Variants in DOP1B observed in about 807,000 individuals in gnomAD.
The protein encoded by DOP1B is DOP1 leucine zipper like protein B, also known as protein DOP1B.
In DOP1B, 174 loss-of-function variants were observed where a neutral mutation model predicts 233.5. The observed-to-expected ratio is 0.75, with a 90% CI of 0.66 to 0.85. The LOEUF is 0.85. Ranked by LOEUF, DOP1B falls within the 40% of genes least tolerant of loss-of-function variation. DOP1B has a pLI of 0.00. For synonymous variants in DOP1B, 1,190 were observed against 1,185.6 expected, an observed-to-expected ratio of 1.00 and a Z score of -0.08; for missense variants, 2,652 against 2,846.6, an observed-to-expected ratio of 0.93 and a Z score of 1.56.
In DOP1B at chr21:36,280,269, T is replaced by A; in HGVS notation, c.5970-16T>A. Reference sequence around the variant, plus strand: ...CCACTGCAAATTTAATTGATTTTGCTTTCTTTAATATCCAGTTGGAAGTCC... The same window carrying A: ...CCACTGCAAATTTAATTGATTTTGCATTCTTTAATATCCAGTTGGAAGTCC... On this transcript the variant is annotated splice_polypyrimidine_tract_variant and intron_variant, in intron 30 of 36. Coordinates refer to ENST00000691173, the MANE Select transcript of DOP1B (RefSeq NM_001320714.2). The A allele has an allele frequency of 6.3e-7, 1 of 1,578,560 alleles. No homozygotes were observed. The highest frequency in any genetic ancestry group is 8.7e-7 in the Non-Finnish European group (1 of 1,154,328).
At chr21:36,228,100 A>G (rs545367440) in intron 13 of DOP1B, among the ~76,000 whole-genome samples, 2 of 152,256 alleles carry the variant, frequency 1.3e-5, no homozygotes, top group Admixed American at 6.5e-5. Flanking sequence ...AGACTGGGGC[A>G]GGAGGATTGC....
At chr21:36,157,733 T>C (rs1043407799) in intron 1 of DOP1B, among the ~76,000 whole-genome samples, 30 of 152,194 alleles carry the variant, frequency 2.0e-4, no homozygotes, top group Non-Finnish European at 1.6e-4. Context: ...ATTAAGCCCA[T>C]TGGTGATGAG....
intron 2 of DOP1B, among the ~76,000 whole-genome samples, chr21:36,172,756 A>G (rs1163592210): frequency 6.6e-6 from 1 of 151,808 alleles, no homozygotes; most frequent in Non-Finnish European, 1.5e-5. Context: ...AAAAAAAAAA[A>G]GGAATTTTTT....
Position 36,289,065 on chromosome 21 carries a change from G to C in DOP1B, c.6374G>C (p.Arg2125Thr), listed in dbSNP as rs759628463. The change falls in exon 35 of 37, where the codon AGA becomes ACA. Residue 2125 changes from arginine (R) to threonine (T), a missense_variant. Transcript: ENST00000691173. ...ESLRSTNKVNRTKVSVPDANG... is the reference protein window; with the variant it reads ...ESLRSTNKVNTTKVSVPDANG... ...TATAGAAGCACCAACAAAGTAAACA[G>C]AACGAAAGTTTCAGTCCCGGATGCA... is the stretch of plus-strand genomic sequence containing the variant. 8.1e-6 allele frequency: 13 copies of C among 1,612,466 alleles called. No homozygotes were observed. The South Asian group carries it at 1.3e-4, about 16-fold the overall frequency.
intron 2 of DOP1B, among the ~76,000 whole-genome samples, chr21:36,171,497 C>T (rs754088135): frequency 1.3e-5 from 2 of 152,096 alleles, no homozygotes; most frequent in Non-Finnish European, 2.9e-5. Flanking sequence ...GGGGGTGGCC[C>T]TAATCCAGTG....
At chr21:36,231,242 A>G in intron 14 of DOP1B, 108 bp downstream of exon 14, 7 of 1,385,212 alleles carry the variant, frequency 5.1e-6, no homozygotes, top group East Asian at 2.5e-5. Context: ...TGTATTTTGG[A>G]TTTCGGACTT....
Position 36,164,877 on chromosome 21 carries a change from T to A in DOP1B, c.138+6T>A. The A allele has an allele frequency of 6.3e-7, 1 of 1,598,384 alleles. No homozygotes were observed. The highest frequency in any genetic ancestry group is 8.5e-7 in the Non-Finnish European group (1 of 1,173,200). Reference sequence around the variant, plus strand: ...CACTTGGCAAACTCAACAAGGTATGTAGGGTGTATCCTATTTGGATTGCAT... The same window carrying A: ...CACTTGGCAAACTCAACAAGGTATGAAGGGTGTATCCTATTTGGATTGCAT... On this transcript the variant is annotated splice_donor_region_variant and intron_variant, in intron 2 of 36. Coordinates refer to ENST00000691173, the MANE Select transcript of DOP1B (RefSeq NM_001320714.2).
chr21:36,167,295 C>A (rs2065921387), intron 2 of DOP1B, among the ~76,000 whole-genome samples: 1 of 152,170 alleles, frequency 6.6e-6, no homozygotes, highest in South Asian at 2.1e-4. Flanking sequence ...GCCACAGCCT[C>A]CTGAGTAGCT....
At position 36,289,128 on chromosome 21, in the gene DOP1B, T is replaced by G; in HGVS notation, c.6437T>G (p.Leu2146Arg). The change falls in exon 35 of 37, where the codon CTC (leucine) becomes CGC (arginine). Residue 2146 changes from leucine to arginine, a missense_variant. Physicochemically the swap from Leu to Arg is moderately radical, Grantham distance 102. This residue lies in a region of DOP1B where 2,617 missense variants were observed against 2,794.3 expected (regional missense o/e 0.94). Transcript: ENST00000691173. ...PSVGEIPQSE[L>R]ILYLSACKFL... ...GTGGGGGAGATACCCCAGAGTGAAC[T>G]CATCTTGTATTTATCAGCTTGCAAA... is the stretch of plus-strand genomic sequence containing the variant. 6.2e-7 allele frequency: 1 copy of G among 1,614,130 alleles called. No individual in the cohort carries two copies. The highest frequency in any genetic ancestry group is 8.5e-7 in the Non-Finnish European group (1 of 1,180,000).
Position 36,245,333 on chromosome 21 carries a change from G to A in DOP1B, c.3353G>A (p.Cys1118Tyr), listed in dbSNP as rs145337645. Reference sequence around the variant, plus strand: ...ACCGAGTCTGCAGATACAAGCTCCTGCCACACGGACAGCGAGAACACGTCC... The same window carrying A: ...ACCGAGTCTGCAGATACAAGCTCCTACCACACGGACAGCGAGAACACGTCC... ...EHTESADTSS[C>Y]HTDSENTSSF... Residue 1118 changes from cysteine to tyrosine, a missense_variant, in exon 19 of 37, where the codon TGC (cysteine) becomes TAC (tyrosine). By Grantham distance (194) the Cys-to-Tyr change is radical (BLOSUM62 -2). Transcript: ENST00000691173. The surrounding 1 kb of genome is among the most constrained non-coding windows in gnomAD (Gnocchi z 5.5). 595 of 1,614,054 alleles carry A rather than the reference G, an allele frequency of 3.7e-4. 7 individuals carry two copies. The South Asian group carries it at 5.3e-3, about 14-fold the overall frequency.
At chr21:36,231,844 ATTTTT>A (rs35336231) in intron 14 of DOP1B, among the ~76,000 whole-genome samples, 5 of 119,932 alleles carry the variant, frequency 4.2e-5, no homozygotes, top group Non-Finnish European at 8.5e-5. Flanking sequence ...CGCCCAGCTA[ATTTTT>A]TTTTTTTTTT....
chr21:36,271,464 G>GT (rs1287124769), intron 27 of DOP1B, among the ~76,000 whole-genome samples: 1 of 151,972 alleles, frequency 6.6e-6, no homozygotes, highest in Non-Finnish European at 1.5e-5. Context: ...TAAAGACAGC[G>GT]TTTCACCATG....
chr21:36,235,631 G>A (rs1447940939), intron 15 of DOP1B, among the ~76,000 whole-genome samples: 1 of 152,104 alleles, frequency 6.6e-6, no homozygotes, highest in African/African-American at 2.4e-5. Flanking sequence ...GGGAGGCTGA[G>A]GTGGGAGGAT....
At chr21:36,217,716 C>T (rs532778311) in intron 9 of DOP1B, among the ~76,000 whole-genome samples, 5 of 152,178 alleles carry the variant, frequency 3.3e-5, no homozygotes, top group African/African-American at 1.2e-4. Context: ...CCCATCTGCC[C>T]GCTCCCACCT....
At chr21:36,239,992 A>G (rs775429399) in intron 18 of DOP1B, 37 bp downstream of exon 18, 1 of 1,576,174 alleles carries the variant, frequency 6.3e-7, no homozygotes, top group Admixed American at 1.8e-5. Flanking sequence ...GTGAGGGAGG[A>G]ATGGGTGGGG....
At chr21:36,238,059 C>T (rs977933950) in intron 16 of DOP1B, among the ~76,000 whole-genome samples, 12 of 152,026 alleles carry the variant, frequency 7.9e-5, no homozygotes, top group African/African-American at 1.7e-4. Flanking sequence ...CCCAGCTACT[C>T]GGGAGGCTGA....
chr21:36,260,890 TA>T lies in DOP1B; in HGVS notation c.5315+159del, dbSNP rs2067161938. On this transcript the variant is annotated intron_variant, in intron 24 of 36. Coordinates refer to ENST00000691173, the MANE Select transcript of DOP1B (RefSeq NM_001320714.2). The stretch of plus-strand genomic sequence containing the variant: ...ATAATTTCTTCCCAAGGTATTGATC[TA>T]TGCTTTTCCTTCTCCAGAGAGTTAA... 3 of 1,451,852 alleles carry T rather than the reference TA, an allele frequency of 2.1e-6. No homozygotes were observed. The African/African-American group carries it at 4.3e-5, about 21-fold the overall frequency. 89.9% of individuals were successfully genotyped at this position (1,451,852 alleles called of 1,614,324 possible). A position where few individuals can be genotyped will look rare whatever the true frequency, so the allele number is the denominator to read the frequency against.
Position 36,289,164 on chromosome 21 carries a change from C to T in DOP1B, c.6473C>T (p.Thr2158Ile). Residue 2158 changes from threonine (T) to isoleucine (I), a missense_variant, in exon 35 of 37, where the codon ACA (threonine) becomes ATA (isoleucine). Around this residue, in one of 3 missense-constraint regions of DOP1B, gnomAD observed 2,617 missense variants for 2,794.3 expected, o/e 0.94. Transcript: ENST00000691173. ...TTATCAGCTTGCAAATTCTTGGACA[C>T]AGCGCTTTCTTTTCCACCTGACAAG... ...LYLSACKFLD[T>I]ALSFPPDKMP... is the part of the protein sequence containing the mutation. 1 of 1,614,040 alleles carries T rather than the reference C, an allele frequency of 6.2e-7. No homozygotes were observed. Among genetic ancestry groups the T allele is most frequent in the Non-Finnish European group, 8.5e-7 (1 of 1,179,998 alleles).
chr21:36,236,783 T>TC (rs1307572570), intron 15 of DOP1B, among the ~76,000 whole-genome samples: 1 of 146,200 alleles, frequency 6.8e-6, no homozygotes, highest in Non-Finnish European at 1.5e-5. Context: ...TTTTCTTTTT[T>TC]TTTTTTTTTT....
Sources: gnomAD v4.1 joint callset for allele counts (sites outside exome capture counted in the v4.1 genomes callset) on GRCh38, gnomAD v4.1.1 for gene constraint, gnomAD v4.1.1 regional missense constraint, Gnocchi (gnomAD v3.1) non-coding constraint, MANE v1.5 for transcripts, NCBI Gene and HGNC (gene_info 2026-07-23, HGNC 2026-07-21) for gene names.